The following NFASC variants were observed in gnomAD, a reference collection of about 807,000 sequenced individuals.
The protein encoded by NFASC is neurofascin.
In NFASC, 43 loss-of-function variants were observed where a neutral mutation model predicts 147.5. That is an observed-to-expected ratio of 0.29 (90% CI 0.23 to 0.38). The LOEUF is 0.38. Among genes scored for constraint, NFASC ranks in the 10% least tolerant of loss-of-function variants. The pLI is 1.00. For missense variants in NFASC, 1,320 were observed against 1,689.0 expected (o/e 0.78, Z 3.83); for synonymous variants, 622 against 665.5 (o/e 0.93, Z 1.01).
intron 22 of NFASC, among the ~76,000 whole-genome samples, chr1:204,988,053 G>A (rs1452673858): frequency 6.6e-6 from 1 of 152,234 alleles, no homozygotes; most frequent in Non-Finnish European, 1.5e-5. Flanking sequence ...GCATCACCAT[G>A]CAGGGACAGG....
At chr1:204,864,249 G>T (rs1243731748) in intron 1 of NFASC, among the ~76,000 whole-genome samples, 1 of 152,110 alleles carries the variant, frequency 6.6e-6, no homozygotes, top group African/African-American at 2.4e-5. Context: ...ACACCGTTTT[G>T]TTTATCCACT....
chr1:205,011,359 G>A (rs903516798), intron 28 of NFASC, among the ~76,000 whole-genome samples: 3 of 152,198 alleles, frequency 2.0e-5, no homozygotes, highest in East Asian at 1.9e-4. Flanking sequence ...ACTGGTGAGC[G>A]ATGTTTTCTT....
intron 1 of NFASC, among the ~76,000 whole-genome samples, chr1:204,886,653 T>C (rs2081365736): frequency 6.6e-6 from 1 of 152,178 alleles, no homozygotes; most frequent in Admixed American, 6.5e-5. Context: ...CTGGTCCAGC[T>C]GAGGTGCTTT....
chr1:204,888,540 T>C (rs956052382), intron 1 of NFASC, among the ~76,000 whole-genome samples: 2 of 152,224 alleles, frequency 1.3e-5, no homozygotes, highest in African/African-American at 4.8e-5. Flanking sequence ...TCAGGTTGAC[T>C]GGAATCTTCT....
chr1:204,974,498 A>T, intron 13 of NFASC, 159 bp from the exon 14 acceptor site: 1 of 940,678 alleles, frequency 1.1e-6, no homozygotes, highest in South Asian at 1.3e-5. Flanking sequence ...TGCCAGGGCC[A>T]CCTGGTGGCT....
chr1:204,998,617 C>CTT (rs1307966377), intron 25 of NFASC: 4 of 152,250 alleles, frequency 2.6e-5, no homozygotes, highest in Non-Finnish European at 5.9e-5. Flanking sequence ...TAGAACTTAA[C>CTT]AGGCACTTTC....
At chr1:204,861,651 G>A (rs1196726968) in intron 1 of NFASC, among the ~76,000 whole-genome samples, 1 of 152,046 alleles carries the variant, frequency 6.6e-6, no homozygotes, top group East Asian at 1.9e-4. Flanking sequence ...CACCACGCCC[G>A]GCTAATTTTT....
chr1:204,862,857 T>G (rs1236276024), intron 1 of NFASC, among the ~76,000 whole-genome samples: 1 of 152,222 alleles, frequency 6.6e-6, no homozygotes, highest in Non-Finnish European at 1.5e-5. Flanking sequence ...ATAGCACATC[T>G]CTTGCTATAG....
At chr1:205,000,980 TGGA>T in intron 25 of NFASC, 187 bp from the exon 26 acceptor site, 1 of 616,190 alleles carries the variant, frequency 1.6e-6, no homozygotes, top group Non-Finnish European at 3.0e-6. Flanking sequence ...GGCTGCAGCT[TGGA>T]GCTCTGTCAG....
At chr1:204,952,681 G>A (rs895934) in intron 5 of NFASC, among the ~76,000 whole-genome samples, 24,061 of 152,182 alleles carry the variant, frequency 0.16, 2,569 homozygotes, top group African/African-American at 0.3. Flanking sequence ...CTTGAAAGGG[G>A]CAGAACCCAG....
At chr1:204,918,173 G>A (rs1211149949) in intron 1 of NFASC, among the ~76,000 whole-genome samples, 1 of 152,076 alleles carries the variant, frequency 6.6e-6, no homozygotes, top group East Asian at 1.9e-4. Flanking sequence ...TAATATTATA[G>A]TACCATCAAT....
intron 1 of NFASC, among the ~76,000 whole-genome samples, chr1:204,910,781 G>A (rs914200062): frequency 1.1e-4 from 16 of 152,024 alleles, no homozygotes; most frequent in African/African-American, 3.9e-4. Flanking sequence ...TGGGATTATA[G>A]GTGTGAGCCA....
Position 204,973,282 on chromosome 1 carries a change from C to T in NFASC, c.1142C>T (p.Pro381Leu), listed in dbSNP as rs1234160312. The T allele has an allele frequency of 6.8e-6, 11 of 1,614,060 alleles. No individual in the cohort carries two copies. Among genetic ancestry groups the T allele is most frequent in the East Asian group, 2.2e-5 (1 of 44,896 alleles). ...GTCTCTTTCTTGTCTGTAGCGGCAC[C>T]ACCTAACCCAAACCGTGAGGTGGCC... ...MVNGEPLQSA[P>L]PNPNREVAGD... Residue 381 changes from proline (P) to leucine (L), a missense_variant, in exon 12 of 30, where the codon CCA becomes CTA. This residue lies in a region of NFASC where 981 missense variants were observed against 1,289.5 expected (regional missense o/e 0.76). Transcript: ENST00000339876.
chr1:204,980,293 T>G, intron 19 of NFASC, 77 bp from the exon 20 acceptor site: 2 of 1,079,684 alleles, frequency 1.9e-6, no homozygotes, highest in South Asian at 2.6e-5. Context: ...ACCCATCAGG[T>G]AGGACAGAGG....
chr1:204,861,083 T>TTA (rs1442971765), intron 1 of NFASC, among the ~76,000 whole-genome samples: 1 of 134,716 alleles, frequency 7.4e-6, no homozygotes, highest in East Asian at 2.1e-4. Context: ...CTTTCCTTTT[T>TTA]TTTTTTTTTT....
intron 28 of NFASC, chr1:205,009,919 G>A (rs1574484703): frequency 1.8e-6 from 1 of 556,572 alleles, no homozygotes; most frequent in Non-Finnish European, 3.2e-6. Context: ...CCTCAGAGAG[G>A]GGATGGAAGG....
intron 1 of NFASC, among the ~76,000 whole-genome samples, chr1:204,867,560 A>C (rs1236871214): frequency 6.6e-6 from 1 of 152,090 alleles, no homozygotes; most frequent in African/African-American, 2.4e-5. Flanking sequence ...AGGCACACAC[A>C]TATAAGTCAG....
intron 1 of NFASC, among the ~76,000 whole-genome samples, chr1:204,857,578 C>T (rs773823797): frequency 1.3e-5 from 2 of 152,200 alleles, no homozygotes; most frequent in Non-Finnish European, 2.9e-5. Flanking sequence ...CATTGTGTGA[C>T]CACGTGGGAT....
chr1:204,945,913 A>G (rs2093695724), intron 3 of NFASC, among the ~76,000 whole-genome samples: 1 of 152,012 alleles, frequency 6.6e-6, no homozygotes, highest in African/African-American at 2.4e-5. Context: ...CTCCTCTCTC[A>G]CTCACCTGCT....
Sources: gnomAD v4.1 joint callset for allele counts (sites outside exome capture counted in the v4.1 genomes callset) on GRCh38, gnomAD v4.1.1 for gene constraint, gnomAD v4.1.1 regional missense constraint, MANE v1.5 for transcripts, NCBI Gene and HGNC (gene_info 2026-07-23, HGNC 2026-07-21) for gene names.